RERE: variants seen among roughly 807,000 people sequenced by gnomAD.
RERE encodes the protein arginine-glutamic acid dipeptide repeats protein.
In RERE, 40 loss-of-function variants were observed where a neutral mutation model predicts 146.1. That is an observed-to-expected ratio of 0.27 (90% CI 0.21 to 0.36). The LOEUF is 0.36. Ranked by LOEUF, RERE falls within the 10% of genes least tolerant of loss-of-function variation. The pLI is 1.00. For missense variants in RERE, 1,933 were observed against 2,138.7 expected (o/e 0.90, Z 1.90); for synonymous variants, 1,003 against 866.0 (o/e 1.16, Z -2.78).
At chr1:8,365,763 C>G in intron 13 of RERE, 49 bp downstream of exon 13, 1 of 1,600,180 alleles carries the variant, frequency 6.2e-7, no homozygotes, top group South Asian at 1.1e-5. Context: ...ACAGGCTGCC[C>G]GTGAACAGTC....
chr1:8,588,385 G>C (rs57173291), intron 4 of RERE, among the ~76,000 whole-genome samples: 3,930 of 152,130 alleles, frequency 0.026, 152 homozygotes, highest in African/African-American at 0.089. Flanking sequence ...AAAGTGCCTG[G>C]GCTGGAGAAG....
At chr1:8,571,085 G>A (rs549441684) in intron 4 of RERE, among the ~76,000 whole-genome samples, 31 of 152,142 alleles carry the variant, frequency 2.0e-4, no homozygotes, top group African/African-American at 7.0e-4. Context: ...TTAAAACAAC[G>A]GTGAACCCTT....
intron 4 of RERE, among the ~76,000 whole-genome samples, chr1:8,603,645 G>A (rs1165775053): frequency 6.6e-6 from 1 of 152,152 alleles, no homozygotes; most frequent in African/African-American, 2.4e-5. Flanking sequence ...GTGTATTGGG[G>A]AAGGGAGGAA....
chr1:8,645,597 C>A (rs866314223), intron 2 of RERE, among the ~76,000 whole-genome samples: 4 of 152,114 alleles, frequency 2.6e-5, no homozygotes, highest in South Asian at 4.1e-4. Flanking sequence ...AGATTGGGGG[C>A]GGAATCTGAG....
rs1641568402 is a variant in RERE at position 8,361,250 on chromosome 1, AGGAGGGAGCTGG to A, written c.2245_2256del (p.Pro749_Ser752del). On this transcript the variant is annotated inframe_deletion, in exon 18 of 23. Coordinates refer to ENST00000400908, the MANE Select transcript of RERE (RefSeq NM_001042681.2). ...AGCTGAGGGGTCCCTGGAGGAGCTG[AGGAGGGAGCTGG>A]GGTGACCCCAGTGGGAGCCTGCAAG... The A allele has an allele frequency of 6.4e-7, 1 of 1,566,226 alleles. No individual in the cohort carries two copies. The highest frequency in any genetic ancestry group is 1.2e-5 in the South Asian group (1 of 83,466).
chr1:8,688,597 G>T (rs1639141532), intron 1 of RERE, among the ~76,000 whole-genome samples: 1 of 151,922 alleles, frequency 6.6e-6, no homozygotes, highest in East Asian at 1.9e-4. Context: ...TAAAAAATTA[G>T]CCAGGCATAG....
intron 12 of RERE, chr1:8,380,622 C>T: frequency 2.8e-6 from 1 of 354,140 alleles, no homozygotes; most frequent in South Asian, 2.2e-5. Flanking sequence ...GCTGGGATTA[C>T]AGGCGTGAGC....
chr1:8,563,539 A>G (rs1368145009), intron 4 of RERE, among the ~76,000 whole-genome samples: 1 of 152,230 alleles, frequency 6.6e-6, no homozygotes. Context: ...CCTCTGTGTT[A>G]TCAAATGTGA....
intron 2 of RERE, among the ~76,000 whole-genome samples, chr1:8,627,698 TTAAA>T (rs1468590900): frequency 6.6e-6 from 1 of 152,146 alleles, no homozygotes; most frequent in Non-Finnish European, 1.5e-5. Flanking sequence ...TATATATACT[TTAAA>T]TAATCCATAG....
At chr1:8,497,285 C>T in intron 9 of RERE, 120 bp downstream of exon 9, 1 of 1,090,370 alleles carries the variant, frequency 9.2e-7, no homozygotes, top group Non-Finnish European at 1.3e-6. Context: ...TGTAACCAAA[C>T]TTAAAGTCAG....
intron 8 of RERE, among the ~76,000 whole-genome samples, chr1:8,499,606 T>C (rs1645102031): frequency 6.6e-6 from 1 of 152,248 alleles, no homozygotes; most frequent in Non-Finnish European, 1.5e-5. Context: ...TTGAGGCAAC[T>C]GCATAGCAAA....
At chr1:8,531,107 GTCCATCCA>G (rs200605582) in intron 7 of RERE, among the ~76,000 whole-genome samples, 8 of 150,410 alleles carry the variant, frequency 5.3e-5, no homozygotes, top group Admixed American at 2.0e-4. Context: ...CTATCTATCT[GTCCATCCA>G]TCCATCCATC....
rs780158112 is a variant in RERE at position 8,360,250 on chromosome 1, C to T, written c.3257G>A (p.Cys1086Tyr). 10 of 1,577,986 alleles carry T rather than the reference C, an allele frequency of 6.3e-6. No individual in the cohort carries two copies. The African/African-American group carries it at 1.2e-4, about 19-fold the overall frequency. The part of the protein sequence containing the change: ...SGGSIAGGSS[C>Y]PLPTVQIKEE... ...CTTGATCTGGACGGTGGGGAGTGGG[C>T]AGGACGACCCCCCCGCTATGCTGCC... Residue 1086 changes from cysteine to tyrosine, a missense_variant, in exon 18 of 23, where the codon TGC becomes TAC. Coordinates refer to ENST00000400908, the MANE Select transcript of RERE (RefSeq NM_001042681.2).
intron 2 of RERE, among the ~76,000 whole-genome samples, chr1:8,640,091 G>T (rs1647156632): frequency 6.6e-6 from 1 of 151,910 alleles, no homozygotes. Context: ...GAGGTGGAGG[G>T]TACAGTGAGC....
chr1:8,757,067 G>A (rs1640656739), intron 1 of RERE, among the ~76,000 whole-genome samples: 1 of 134,126 alleles, frequency 7.5e-6, no homozygotes, highest in African/African-American at 2.9e-5. Flanking sequence ...TCCAACCTGG[G>A]CAACAAGAGC....
chr1:8,606,754 T>C (rs1646715566), intron 4 of RERE, among the ~76,000 whole-genome samples: 1 of 152,170 alleles, frequency 6.6e-6, no homozygotes, highest in African/African-American at 2.4e-5. Context: ...AAAAGCTATT[T>C]ACAGGCTGAA....
At chr1:8,666,017 C>T (rs938147461) in intron 1 of RERE, among the ~76,000 whole-genome samples, 18 of 152,078 alleles carry the variant, frequency 1.2e-4, no homozygotes, top group Non-Finnish European at 2.4e-4. Context: ...TGTGTGAGAC[C>T]TAGGATATGA....
At chr1:8,805,321 T>C (rs1042325039) in intron 1 of RERE, among the ~76,000 whole-genome samples, 8 of 152,098 alleles carry the variant, frequency 5.3e-5, no homozygotes, top group Non-Finnish European at 1.0e-4. Context: ...CAGAACAACC[T>C]AGCCAATATG....
chr1:8,622,926 T>C (rs146087121), intron 3 of RERE, among the ~76,000 whole-genome samples: 2,329 of 152,212 alleles, frequency 0.015, 61 homozygotes, highest in African/African-American at 0.054. Flanking sequence ...AACACAAATA[T>C]TGTCAAATTA....
Sources: allele counts gnomAD v4.1 joint callset (sites outside exome capture counted in the v4.1 genomes callset), GRCh38; gene constraint gnomAD v4.1.1; transcripts MANE v1.5; gene names NCBI Gene and HGNC (gene_info 2026-07-23, HGNC 2026-07-21).